The following AHI1 variants were observed in gnomAD, a reference collection of about 807,000 sequenced individuals.
AHI1 encodes Abelson helper integration site 1.
In AHI1, 123 loss-of-function variants were observed where a neutral mutation model predicts 149.3. The observed-to-expected ratio is 0.82, with a 90% CI of 0.71 to 0.96. The LOEUF (loss-of-function observed/expected upper bound fraction) is 0.96. Ranked by LOEUF, AHI1 falls within the 40% of genes least tolerant of loss-of-function variation. The probability of loss-of-function intolerance (pLI) is 0.00; values close to 1 mark genes in which losing one functional copy is unlikely to be tolerated. For missense variants in AHI1, 1,439 were observed against 1,422.7 expected (o/e 1.01, Z -0.18); for synonymous variants, 475 against 459.8 (o/e 1.03, Z -0.42).
intron 23 of AHI1, among the ~76,000 whole-genome samples, chr6:135,370,943 T>C (rs1774963128): frequency 6.6e-6 from 1 of 152,180 alleles, no homozygotes; most frequent in Non-Finnish European, 1.5e-5. Context: ...AATAAATACA[T>C]TTATTATTTA....
intron 5 of AHI1, among the ~76,000 whole-genome samples, chr6:135,475,281 G>A (rs532662277): frequency 1.1e-4 from 16 of 152,148 alleles, no homozygotes; most frequent in East Asian, 1.9e-4. Context: ...GGCAATTTGC[G>A]TCTTCTTTCC....
rs1338530167 is a variant in AHI1, at chr6:135,433,132, T to C, written c.2161A>G (p.Met721Val). 2 of 1,613,628 alleles carry C rather than the reference T, an allele frequency of 1.2e-6. No individual in the cohort carries two copies. Among genetic ancestry groups the C allele is most frequent in the Non-Finnish European group, 8.5e-7 (1 of 1,179,602 alleles). ...ELVVTGCYDS[M>V]IRIWKVEMRE... ...ATCTCAACTTTCCATATCCGTATCA[T>C]GGAATCATAGCATCCTGTAACTACT... The change falls in exon 16 of 29, where the codon ATG becomes GTG. Residue 721 changes from methionine (M) to valine (V), a missense_variant. Met to Val is a conservative substitution (Grantham distance 21). Coordinates refer to ENST00000265602, the MANE Select transcript of AHI1 (RefSeq NM_001134831.2).
chr6:135,285,972 G>A (rs551178993), intron 28 of AHI1, among the ~76,000 whole-genome samples: 2 of 152,316 alleles, frequency 1.3e-5, no homozygotes, highest in African/African-American at 4.8e-5. Context: ...TTCCAGAAAT[G>A]AAGAGCAGGC....
chr6:135,410,438 A>G (rs1781424092), intron 21 of AHI1, among the ~76,000 whole-genome samples: 1 of 152,228 alleles, frequency 6.6e-6, no homozygotes, highest in Non-Finnish European at 1.5e-5. Flanking sequence ...AGGTTTACTT[A>G]AACTTCTCCA....
chr6:135,410,813 T>C (rs1402734358), intron 21 of AHI1, among the ~76,000 whole-genome samples: 1 of 152,214 alleles, frequency 6.6e-6, no homozygotes, highest in African/African-American at 2.4e-5. Context: ...TAGCAAAGCA[T>C]TTTAAGATAC....
chr6:135,408,392 C>G (rs1781109519), intron 21 of AHI1, among the ~76,000 whole-genome samples: 1 of 151,986 alleles, frequency 6.6e-6, no homozygotes. Flanking sequence ...TCTGGAACAG[C>G]ATGCATTATT....
rs562769069 is a variant in AHI1 at position 135,453,235 on chromosome 6, A to G, written c.1440+106T>C. The G allele has an allele frequency of 7.6e-5, 65 of 852,526 alleles. No homozygotes were observed. In the East Asian group the frequency reaches 1.4e-3, roughly 19 times the overall value. The allele number at this position is 852,526 out of a possible 1,614,324, so 52.8% of individuals were successfully genotyped here. A position where few individuals can be genotyped will look rare whatever the true frequency, so the allele number is the denominator to read the frequency against. On this transcript the variant is annotated intron_variant, in intron 11 of 28. Coordinates refer to ENST00000265602, the MANE Select transcript of AHI1 (RefSeq NM_001134831.2). Reference sequence around the variant, plus strand: ...AGTAACTCTTCATCCCTACAACATTACCTTAGATTCTAATTCCTTATATGA... The same window carrying G: ...AGTAACTCTTCATCCCTACAACATTGCCTTAGATTCTAATTCCTTATATGA...
chr6:135,370,767 A>G (rs1774932366), intron 23 of AHI1, among the ~76,000 whole-genome samples: 1 of 152,178 alleles, frequency 6.6e-6, no homozygotes, highest in South Asian at 2.1e-4. Flanking sequence ...ATTAGAAGCA[A>G]AACTCTACTT....
chr6:135,380,030 T>TCCTC (rs553776139), intron 23 of AHI1, among the ~76,000 whole-genome samples: 2,326 of 132,898 alleles, frequency 0.018, 75 homozygotes, highest in African/African-American at 0.061. Context: ...CTTCCTTCCT[T>TCCTC]CCTCCCTCCC....
chr6:135,296,382 T>C (rs1303126620), intron 27 of AHI1, among the ~76,000 whole-genome samples: 1 of 152,214 alleles, frequency 6.6e-6, no homozygotes, highest in African/African-American at 2.4e-5. Flanking sequence ...TGTTAAATTG[T>C]TAGGTCACTT....
chr6:135,467,513 G>T lies in AHI1; in HGVS notation c.189+68C>A. On this transcript the variant is annotated intron_variant, in intron 6 of 28. Coordinates refer to ENST00000265602, the MANE Select transcript of AHI1 (RefSeq NM_001134831.2). Reference sequence around the variant, plus strand: ...ATGGACAAAAACCATTGCTGACTGTGTATTCCTCAATTTGTTTTTAGTGAC... The same window carrying T: ...ATGGACAAAAACCATTGCTGACTGTTTATTCCTCAATTTGTTTTTAGTGAC... 8.9e-6 allele frequency: 11 copies of T among 1,230,560 alleles called. No individual in the cohort carries two copies. The South Asian group carries it at 1.2e-4, about 14-fold the overall frequency. The allele number at this position is 1,230,560 out of a possible 1,614,324, so 76.2% of individuals were successfully genotyped here.
chr6:135,315,272 A>G (rs1349202409), intron 26 of AHI1, among the ~76,000 whole-genome samples: 1 of 152,122 alleles, frequency 6.6e-6, no homozygotes, highest in Non-Finnish European at 1.5e-5. Context: ...ATTTATCATA[A>G]CCTGAGCTGC....
intron 20 of AHI1, among the ~76,000 whole-genome samples, chr6:135,423,799 C>G (rs1376750830): frequency 1.3e-5 from 2 of 152,000 alleles, no homozygotes; most frequent in Non-Finnish European, 2.9e-5. Context: ...GGTTAATATA[C>G]TCTGGTTAAT....
chr6:135,478,121 G>A (rs1467861213), intron 5 of AHI1, among the ~76,000 whole-genome samples: 2 of 152,142 alleles, frequency 1.3e-5, no homozygotes, highest in African/African-American at 4.8e-5. Context: ...CTTTAGAGCA[G>A]TGTGAGAACG....
At chr6:135,453,523 A>G in intron 10 of AHI1, 87 bp from the exon 11 acceptor site, 2 of 956,018 alleles carry the variant, frequency 2.1e-6, no homozygotes, top group Non-Finnish European at 3.2e-6. Context: ...AATCATTTGT[A>G]TAGTGCTTAA....
chr6:135,303,994 T>A (rs776540374), intron 26 of AHI1, among the ~76,000 whole-genome samples: 44 of 152,210 alleles, frequency 2.9e-4, no homozygotes, highest in Non-Finnish European at 5.7e-4. Flanking sequence ...AAGTTTGAAG[T>A]TTTCTTTGAC....
chr6:135,401,806 A>G (rs1324529332), intron 22 of AHI1, among the ~76,000 whole-genome samples: 1 of 152,170 alleles, frequency 6.6e-6, no homozygotes, highest in Non-Finnish European at 1.5e-5. Context: ...ACAACACAAA[A>G]AGCACAAGTG....
chr6:135,340,142 C>T (rs781282187), intron 24 of AHI1, among the ~76,000 whole-genome samples: 8 of 152,152 alleles, frequency 5.3e-5, no homozygotes, highest in Admixed American at 2.6e-4. Flanking sequence ...GAGGCTGAGG[C>T]GGGTGGATCA....
intron 5 of AHI1, among the ~76,000 whole-genome samples, chr6:135,477,526 T>C (rs1300273243): frequency 6.6e-6 from 1 of 152,230 alleles, no homozygotes; most frequent in Non-Finnish European, 1.5e-5. Flanking sequence ...TGTTGAATTG[T>C]AATTTCCATG....
Sources: gnomAD v4.1 joint callset for allele counts (sites outside exome capture counted in the v4.1 genomes callset) on GRCh38, gnomAD v4.1.1 for gene constraint, MANE v1.5 for transcripts, NCBI Gene and HGNC (gene_info 2026-07-23, HGNC 2026-07-21) for gene names.